TENM3: variants seen among roughly 807,000 people sequenced by gnomAD.
The protein encoded by TENM3 is teneurin transmembrane protein 3.
A neutral mutation model predicts 255.1 loss-of-function variants in TENM3; 63 were observed. The observed-to-expected ratio is 0.25, with a 90% CI of 0.20 to 0.30. TENM3 has a LOEUF of 0.30. TENM3 is among the 10% of genes least tolerant of loss of function. The probability of loss-of-function intolerance (pLI) is 1.00; values close to 1 mark genes in which losing one functional copy is unlikely to be tolerated. For synonymous variants in TENM3, 1,306 were observed against 1,322.3 expected (o/e 0.99, Z 0.27); for missense variants, 2,929 against 3,461.1 (o/e 0.85, Z 3.86).
intron 3 of TENM3, among the ~76,000 whole-genome samples, chr4:182,402,458 G>T (rs368560066): frequency 6.6e-6 from 1 of 152,080 alleles, no homozygotes; most frequent in Non-Finnish European, 1.5e-5. Flanking sequence ...TCCCACTGAC[G>T]TTTGTACAGT....
chr4:181,464,479 C>T, the TENM3 span, among the ~76,000 whole-genome samples: 1 of 152,074 alleles, frequency 6.6e-6, no homozygotes. Context: ...ACTCTTGACC[C>T]AATTTTTCAT....
intron 12 of TENM3, among the ~76,000 whole-genome samples, chr4:182,699,230 G>T (rs17327902): frequency 0.29 from 43,464 of 152,162 alleles, 7,176 homozygotes; most frequent in Non-Finnish European, 0.38. Context: ...GGCATTAGAA[G>T]CAGCTGTTTC....
At chr4:182,361,091 G>T (rs1462421657) in intron 3 of TENM3, among the ~76,000 whole-genome samples, 1 of 152,112 alleles carries the variant, frequency 6.6e-6, no homozygotes, top group East Asian at 1.9e-4. Flanking sequence ...CGAGAGATCC[G>T]CTGTTAGTCT....
intron 3 of TENM3, among the ~76,000 whole-genome samples, chr4:182,529,494 G>C (rs1580843477): frequency 1.3e-5 from 2 of 152,102 alleles, no homozygotes; most frequent in East Asian, 3.9e-4. Context: ...GTTTGTCTAG[G>C]GTTGTGAATC....
At chr4:182,503,455 G>T (rs1736515741) in intron 3 of TENM3, among the ~76,000 whole-genome samples, 2 of 152,132 alleles carry the variant, frequency 1.3e-5, no homozygotes, top group South Asian at 4.1e-4. Context: ...TACTTCTGCT[G>T]CAGGGTCTTT....
At chr4:182,096,361 G>C in the TENM3 span, among the ~76,000 whole-genome samples, 1 of 151,920 alleles carries the variant, frequency 6.6e-6, no homozygotes, top group Non-Finnish European at 1.5e-5. Flanking sequence ...ATCTATTTCA[G>C]AAGATAGGAA....
chr4:181,958,857 A>G, the TENM3 span, among the ~76,000 whole-genome samples: 1 of 152,192 alleles, frequency 6.6e-6, no homozygotes, highest in Non-Finnish European at 1.5e-5. Flanking sequence ...TATTTATTAA[A>G]TAATGTAATT....
At chr4:181,828,745 C>T in the TENM3 span, among the ~76,000 whole-genome samples, 2 of 152,116 alleles carry the variant, frequency 1.3e-5, no homozygotes, top group Non-Finnish European at 2.9e-5. Flanking sequence ...TGTGCCACCA[C>T]ACCCGGCTAA....
Position 182,754,031 on chromosome 4 carries a change from C to T in TENM3, c.4018-354C>T, listed in dbSNP as rs1044178927. Among the ~76,000 whole-genome samples the T allele has an allele frequency of 6.6e-6, 1 of 152,144 alleles. No individual in the cohort carries two copies. The highest frequency in any genetic ancestry group is 2.4e-5 in the African/African-American group (1 of 41,430). ...GCCTGATTGAAAACACAATAGAATA[C>T]TAATCTATTCATAACCTAGAAAGCC... On this transcript the variant is annotated intron_variant, in intron 21 of 27. Transcript: ENST00000511685. This position sits in a 1 kb window ranked among gnomAD's most constrained non-coding sequence, Gnocchi z 5.1.
At chr4:182,670,158 C>T (rs1755077965) in intron 6 of TENM3, among the ~76,000 whole-genome samples, 1 of 152,094 alleles carries the variant, frequency 6.6e-6, no homozygotes, top group Non-Finnish European at 1.5e-5. Context: ...ACTGTATGTT[C>T]TAATTTTGCT....
At chr4:181,792,419 C>T in the TENM3 span, among the ~76,000 whole-genome samples, 41,388 of 152,026 alleles carry the variant, frequency 0.27, 6,143 homozygotes, top group South Asian at 0.39. Flanking sequence ...ATGAATTACG[C>T]TTAACTCAAA....
chr4:182,652,622 T>G (rs747218870), intron 5 of TENM3, among the ~76,000 whole-genome samples: 9 of 152,202 alleles, frequency 5.9e-5, no homozygotes, highest in Non-Finnish European at 1.2e-4. Context: ...TCTGACTGCA[T>G]CCAAAGCCCC....
intron 3 of TENM3, among the ~76,000 whole-genome samples, chr4:182,421,368 A>G (rs1040789243): frequency 2.6e-5 from 4 of 152,172 alleles, no homozygotes; most frequent in African/African-American, 9.7e-5. Flanking sequence ...AGAGAGCAAT[A>G]ACCACAGCCC....
chr4:182,147,754 A>G (rs534120582), intron 1 of TENM3, among the ~76,000 whole-genome samples: 1 of 152,270 alleles, frequency 6.6e-6, no homozygotes, highest in South Asian at 2.1e-4. Flanking sequence ...TCCATAACCA[A>G]TTACATATTC....
intron 3 of TENM3, among the ~76,000 whole-genome samples, chr4:182,468,990 C>T (rs1732866962): frequency 6.6e-6 from 1 of 151,932 alleles, no homozygotes; most frequent in Admixed American, 6.6e-5. Context: ...AAAAATTAAT[C>T]TCTATATGGA....
chr4:181,705,443 A>G, the TENM3 span, among the ~76,000 whole-genome samples: 1 of 152,230 alleles, frequency 6.6e-6, no homozygotes, highest in East Asian at 1.9e-4. Context: ...AGGACAAAGT[A>G]TAACTAACTT....
chr4:182,157,072 C>A (rs538206891), intron 1 of TENM3, among the ~76,000 whole-genome samples: 1 of 152,280 alleles, frequency 6.6e-6, no homozygotes, highest in South Asian at 2.1e-4. Context: ...GGTACCCAAC[C>A]TAATGGTTCT....
the TENM3 span, among the ~76,000 whole-genome samples, chr4:182,042,492 ACT>A: frequency 6.6e-6 from 1 of 151,876 alleles, no homozygotes; most frequent in East Asian, 1.9e-4. Flanking sequence ...AAAGGTCCTG[ACT>A]CTTTGGGCTT....
chr4:182,247,745 T>C (rs569903328), intron 1 of TENM3, among the ~76,000 whole-genome samples: 1 of 152,316 alleles, frequency 6.6e-6, no homozygotes, highest in East Asian at 1.9e-4. Context: ...TTATACCTAA[T>C]TCTAGGATTT....
Sources: gnomAD v4.1 joint callset for allele counts (sites outside exome capture counted in the v4.1 genomes callset) on GRCh38, gnomAD v4.1.1 for gene constraint, Gnocchi (gnomAD v3.1) non-coding constraint, MANE v1.5 for transcripts, NCBI Gene and HGNC (gene_info 2026-07-23, HGNC 2026-07-21) for gene names.